The following GALNT18 variants were observed in gnomAD, a reference collection of about 807,000 sequenced individuals.
GALNT18 encodes polypeptide N-acetylgalactosaminyltransferase 18.
GALNT18 carries 44 observed loss-of-function variants against 69.5 expected under a neutral mutation model. The observed-to-expected ratio is 0.63, with a 90% confidence interval of 0.50 to 0.81. The LOEUF is 0.81. Among genes scored for constraint, GALNT18 ranks in the 40% least tolerant of loss-of-function variants. GALNT18 has a pLI of 0.00. For synonymous variants in GALNT18, 364 were observed against 318.2 expected, an observed-to-expected ratio of 1.14 and a Z score of -1.53; for missense variants, 715 against 810.0, an observed-to-expected ratio of 0.88 and a Z score of 1.42.
chr11:11,371,219 G>A (rs1850896811), intron 6 of GALNT18, among the ~76,000 whole-genome samples: 1 of 152,230 alleles, frequency 6.6e-6, no homozygotes, highest in Admixed American at 6.5e-5. Flanking sequence ...CACAGTACCT[G>A]TCAGGTCATT....
At chr11:11,495,575 T>C (rs1226096746) in intron 1 of GALNT18, among the ~76,000 whole-genome samples, 1 of 152,190 alleles carries the variant, frequency 6.6e-6, no homozygotes, top group East Asian at 1.9e-4. Context: ...ATGAAGTAGT[T>C]ATGACAGAAA....
intron 1 of GALNT18, among the ~76,000 whole-genome samples, chr11:11,512,488 T>C (rs909468223): frequency 6.6e-6 from 1 of 152,102 alleles, no homozygotes; most frequent in Non-Finnish European, 1.5e-5. Flanking sequence ...GGCAAAGAAT[T>C]AGGAACAAGA....
chr11:11,379,100 C>T lies in GALNT18; in HGVS notation c.760G>A (p.Val254Met), dbSNP rs141880350. The part of the protein sequence containing the change: ...APVVALFDAH[V>M]EFNVGWAEPV... ...ACTTACCAGCCCACATTGAACTCCA[C>T]GTGGGCATCAAAGAGTGCCACCACA... Residue 254 changes from valine (V) to methionine (M), a missense_variant, in exon 4 of 11, where the codon GTG (valine) becomes ATG (methionine). Val to Met is a conservative substitution (Grantham distance 21). Coordinates refer to ENST00000227756, the MANE Select transcript of GALNT18 (RefSeq NM_198516.3). 9.6e-5 allele frequency: 154 copies of T among 1,606,754 alleles called. No individual in the cohort carries two copies. The highest frequency in any genetic ancestry group is 2.1e-4 in the African/African-American group (16 of 74,824).
At chr11:11,405,136 C>T (rs1179981050) in intron 3 of GALNT18, among the ~76,000 whole-genome samples, 3 of 152,142 alleles carry the variant, frequency 2.0e-5, no homozygotes, top group Admixed American at 2.0e-4. Context: ...CAATGGCCTC[C>T]ACTCTTATTT....
chr11:11,273,619 TG>T (rs1464059303), intron 10 of GALNT18, among the ~76,000 whole-genome samples: 1 of 152,200 alleles, frequency 6.6e-6, no homozygotes, highest in Non-Finnish European at 1.5e-5. Flanking sequence ...ACAGCTACTA[TG>T]GAGAACAGTA....
At chr11:11,585,027 A>G (rs371883071) in intron 1 of GALNT18, among the ~76,000 whole-genome samples, 46 of 152,326 alleles carry the variant, frequency 3.0e-4, no homozygotes, top group African/African-American at 9.9e-4. Flanking sequence ...ATATTAATGG[A>G]AGTGATTTTT....
At position 11,621,376 on chromosome 11, in the gene GALNT18, A is replaced by G. The variant is rs745547765; in HGVS notation, c.218T>C (p.Ile73Thr). ...GCCCGTACCTTGAATGTGCTGCTTG[A>G]TGACATTCTCCAGGTGGTCCAGCCG... ...IERLDHLENV[I>T]KQHIQEAPAK... Residue 73 changes from isoleucine to threonine, a missense_variant, in exon 1 of 11, where the codon ATC becomes ACC. By Grantham distance (89) the Ile-to-Thr change is moderately conservative. Transcript: ENST00000227756. This position sits in a 1 kb window ranked among gnomAD's most constrained non-coding sequence, Gnocchi z 9.3. 1 of 1,613,862 alleles carries G rather than the reference A, an allele frequency of 6.2e-7. No homozygotes were observed. Among genetic ancestry groups the G allele is most frequent in the East Asian group, 2.2e-5 (1 of 44,828 alleles).
intron 10 of GALNT18, among the ~76,000 whole-genome samples, chr11:11,291,034 C>T (rs913683017): frequency 2.6e-5 from 4 of 152,226 alleles, no homozygotes; most frequent in Non-Finnish European, 5.9e-5. Flanking sequence ...TGTCCTTCCA[C>T]ACCACACACC....
chr11:11,554,379 C>G (rs1222028436), intron 1 of GALNT18, among the ~76,000 whole-genome samples: 3 of 151,088 alleles, frequency 2.0e-5, no homozygotes, highest in African/African-American at 7.3e-5. Context: ...CGGGGAGGCA[C>G]AGGTAGCCTC....
chr11:11,281,425 G>A (rs151134734), intron 10 of GALNT18, among the ~76,000 whole-genome samples: 31 of 152,282 alleles, frequency 2.0e-4, no homozygotes, highest in South Asian at 1.9e-3. Context: ...TGACCAAAGC[G>A]CACAACAAAC....
At chr11:11,299,933 C>T (rs1226763797) in intron 9 of GALNT18, among the ~76,000 whole-genome samples, 2 of 152,230 alleles carry the variant, frequency 1.3e-5, no homozygotes, top group Admixed American at 6.5e-5. Context: ...CTTCTACCAA[C>T]ACCTCAATAC....
intron 5 of GALNT18, among the ~76,000 whole-genome samples, chr11:11,375,632 G>A (rs566831852): frequency 6.6e-6 from 1 of 152,296 alleles, no homozygotes; most frequent in African/African-American, 2.4e-5. Context: ...GCCTTTGGCA[G>A]GGCCATTCAC....
chr11:11,370,386 T>C (rs1040951283), intron 6 of GALNT18, among the ~76,000 whole-genome samples: 7 of 152,290 alleles, frequency 4.6e-5, no homozygotes, highest in Admixed American at 4.6e-4. Flanking sequence ...CTAATAACCA[T>C]ACAAAAGGAG....
At position 11,518,686 on chromosome 11, in the gene GALNT18, C is replaced by T. The variant is rs34817188; in HGVS notation, c.236-69750G>A. Among the ~76,000 whole-genome samples the T allele has an allele frequency of 7.8e-3, 1,191 of 152,310 alleles. 8 individuals are homozygous for T. Among genetic ancestry groups the T allele is most frequent in the Non-Finnish European group, 0.013 (917 of 68,022 alleles). On this transcript the variant is annotated intron_variant, in intron 1 of 10. Transcript: ENST00000227756. ...GACATAGAAAAAGACAGATTTGGGG[C>T]CCCTGTGGTCTCTGGCTTTTCATTA...
intron 9 of GALNT18, among the ~76,000 whole-genome samples, chr11:11,308,247 C>A (rs1033610895): frequency 5.9e-5 from 9 of 152,200 alleles, no homozygotes; most frequent in African/African-American, 2.2e-4. Context: ...AATCACATAG[C>A]ACAGATTTCC....
chr11:11,428,588 G>A (rs996300651), intron 3 of GALNT18, among the ~76,000 whole-genome samples: 1 of 152,192 alleles, frequency 6.6e-6, no homozygotes, highest in African/African-American at 2.4e-5. Context: ...TCTTGCTTCT[G>A]TGCCCTGGAT....
At chr11:11,334,077 C>T (rs903833856) in intron 7 of GALNT18, among the ~76,000 whole-genome samples, 1 of 152,066 alleles carries the variant, frequency 6.6e-6, no homozygotes, top group African/African-American at 2.4e-5. Context: ...ACACTGTGGT[C>T]CATATGCTCT....
At chr11:11,498,250 T>C (rs1005242980) in intron 1 of GALNT18, among the ~76,000 whole-genome samples, 11 of 152,240 alleles carry the variant, frequency 7.2e-5, no homozygotes, top group Admixed American at 3.9e-4. Context: ...CTCTTTTCGC[T>C]CATATTTTAC....
intron 3 of GALNT18, among the ~76,000 whole-genome samples, chr11:11,386,839 A>T (rs1854070537): frequency 1.3e-5 from 2 of 152,068 alleles, no homozygotes; most frequent in Admixed American, 1.3e-4. Context: ...CCACCTCTAC[A>T]CTCTATCCTG....
Sources: allele counts gnomAD v4.1 joint callset (sites outside exome capture counted in the v4.1 genomes callset), GRCh38; gene constraint gnomAD v4.1.1; non-coding constraint Gnocchi (gnomAD v3.1); transcripts MANE v1.5; gene names NCBI Gene and HGNC (gene_info 2026-07-23, HGNC 2026-07-21).